SEC24D: variants seen among roughly 807,000 people sequenced by gnomAD.
SEC24D encodes the protein SEC24 homolog D, COPII component, also known as protein transport protein Sec24D.
In SEC24D, 69 loss-of-function variants were observed where a neutral mutation model predicts 116.9. The observed-to-expected ratio is 0.59, with a 90% CI of 0.49 to 0.72. The LOEUF (loss-of-function observed/expected upper bound fraction) is 0.72. Ranked by LOEUF, SEC24D falls within the 30% of genes least tolerant of loss-of-function variation. The pLI, the probability that SEC24D is intolerant of heterozygous loss-of-function variation, is 0.00. For synonymous variants in SEC24D, 405 were observed against 442.8 expected, an observed-to-expected ratio of 0.91 and a Z score of 1.07; for missense variants, 1,131 against 1,264.1, an observed-to-expected ratio of 0.89 and a Z score of 1.60.
At chr4:118,747,620 G>C (rs1330630581) in intron 13 of SEC24D, among the ~76,000 whole-genome samples, 2 of 151,588 alleles carry the variant, frequency 1.3e-5, no homozygotes, top group Non-Finnish European at 2.9e-5. Flanking sequence ...TATCAAAGAG[G>C]GTATAAAGCT....
chr4:118,834,582 T>C (rs1731011078), intron 1 of SEC24D, among the ~76,000 whole-genome samples: 3 of 150,442 alleles, frequency 2.0e-5, no homozygotes, highest in Middle Eastern at 3.4e-3. Flanking sequence ...ATAGGACTGA[T>C]GATTTAAAAA....
In SEC24D at chr4:118,764,815, A is replaced by G. The variant is rs925015657; in HGVS notation, c.1283T>C (p.Leu428Ser). 2.5e-6 allele frequency: 4 copies of G among 1,586,774 alleles called. No individual in the cohort carries two copies. In the Admixed American group the frequency reaches 5.0e-5, roughly 20 times the overall value. The change falls in exon 10 of 23, where the codon TTG becomes TCG. Residue 428 changes from leucine (L) to serine (S), a missense_variant. By Grantham distance (145) the Leu-to-Ser change is moderately radical (BLOSUM62 -2). Coordinates refer to ENST00000280551, the MANE Select transcript of SEC24D (RefSeq NM_014822.4). The stretch of plus-strand genomic sequence containing the variant: ...GGGAACACTTACTCTGCAATAATCC[A>G]AAGTGGCAACATATTCATAAGATCC... ...SLGSYEYVAT[L>S]DYCRKSKPPN...
intron 1 of SEC24D, among the ~76,000 whole-genome samples, chr4:118,834,130 C>T (rs891654013): frequency 3.3e-5 from 5 of 152,252 alleles, no homozygotes; most frequent in African/African-American, 1.2e-4. Flanking sequence ...ACCACCATAA[C>T]TGCCAGTAGC....
chr4:118,812,039 G>C (rs1224346536), intron 6 of SEC24D, among the ~76,000 whole-genome samples: 1 of 152,150 alleles, frequency 6.6e-6, no homozygotes, highest in African/African-American at 2.4e-5. Flanking sequence ...AAGTAGCGAT[G>C]TGCCAGTTCC....
chr4:118,747,452 G>C (rs1391558035), intron 13 of SEC24D, among the ~76,000 whole-genome samples: 1 of 151,900 alleles, frequency 6.6e-6, no homozygotes, highest in African/African-American at 2.4e-5. Context: ...TTTTAGTAGA[G>C]ATGGGGCTTC....
At chr4:118,757,505 A>G (rs1727158874) in intron 11 of SEC24D, among the ~76,000 whole-genome samples, 1 of 152,194 alleles carries the variant, frequency 6.6e-6, no homozygotes, top group South Asian at 2.1e-4. Context: ...TCTTTACCAT[A>G]GCATTTCTTT....
At chr4:118,797,602 AAT>A in intron 8 of SEC24D, 79 bp downstream of exon 8, 1 of 1,065,324 alleles carries the variant, frequency 9.4e-7, no homozygotes, top group Non-Finnish European at 1.3e-6. Context: ...TATATTATAG[AAT>A]AATGTATAAG....
intron 2 of SEC24D, among the ~76,000 whole-genome samples, chr4:118,828,115 T>A (rs1297069416): frequency 6.8e-6 from 1 of 146,550 alleles, no homozygotes; most frequent in African/African-American, 2.5e-5. Flanking sequence ...CATTAATACT[T>A]TTTTTTTTTT....
At chr4:118,787,678 G>A (rs535867271) in intron 8 of SEC24D, among the ~76,000 whole-genome samples, 9 of 152,208 alleles carry the variant, frequency 5.9e-5, no homozygotes, top group South Asian at 4.2e-4. Context: ...CAGGTGTGGT[G>A]CACGTGGCCG....
At chr4:118,819,024 A>G (rs1730275621) in intron 3 of SEC24D, among the ~76,000 whole-genome samples, 1 of 152,208 alleles carries the variant, frequency 6.6e-6, no homozygotes. Flanking sequence ...TTTTCACAGT[A>G]AAAGTTTTCT....
chr4:118,816,704 C>T lies in SEC24D; in HGVS notation c.397+560G>A, dbSNP rs893931504. Reference sequence around the variant, plus strand: ...AACATTCTTCATCTAGATAAATGGCCGACTGTGCTGTCATTACAGTGGAGC... The same window carrying T: ...AACATTCTTCATCTAGATAAATGGCTGACTGTGCTGTCATTACAGTGGAGC... On this transcript the variant is annotated intron_variant, in intron 4 of 22. Coordinates refer to ENST00000280551, the MANE Select transcript of SEC24D (RefSeq NM_014822.4). 7.8e-5 allele frequency: 28 copies of T among 361,076 alleles called. No individual in the cohort carries two copies. The Middle Eastern group carries it at 1.5e-3, about 19-fold the overall frequency. 22.4% of individuals were successfully genotyped at this position (361,076 alleles called of 1,614,324 possible).
chr4:118,823,942 A>T (rs1730497293), intron 3 of SEC24D, among the ~76,000 whole-genome samples: 1 of 152,196 alleles, frequency 6.6e-6, no homozygotes, highest in Non-Finnish European at 1.5e-5. Context: ...ATTGGCACTG[A>T]GCTCAGTTCT....
At chr4:118,792,130 C>A (rs1350110515) in intron 8 of SEC24D, among the ~76,000 whole-genome samples, 3 of 151,748 alleles carry the variant, frequency 2.0e-5, no homozygotes, top group Non-Finnish European at 2.9e-5. Flanking sequence ...CGCCTCTGCC[C>A]GGCCGCGACC....
At chr4:118,778,576 C>T (rs951984109) in intron 8 of SEC24D, among the ~76,000 whole-genome samples, 28 of 152,226 alleles carry the variant, frequency 1.8e-4, no homozygotes, top group African/African-American at 5.8e-4. Flanking sequence ...CTTAGGATTG[C>T]TTTGGCAATG....
intron 19 of SEC24D, among the ~76,000 whole-genome samples, chr4:118,734,174 C>G (rs927975317): frequency 6.7e-6 from 1 of 149,438 alleles, no homozygotes; most frequent in Non-Finnish European, 1.5e-5. Context: ...AATGAAATAT[C>G]TGATCTATAA....
intron 2 of SEC24D, among the ~76,000 whole-genome samples, chr4:118,826,022 T>A (rs1319428756): frequency 6.6e-6 from 1 of 151,886 alleles, no homozygotes; most frequent in Non-Finnish European, 1.5e-5. Context: ...ATGACAGGTA[T>A]CTAGTGAAGT....
At chr4:118,822,664 T>C (rs1024935647) in intron 3 of SEC24D, among the ~76,000 whole-genome samples, 1 of 152,116 alleles carries the variant, frequency 6.6e-6, no homozygotes, top group African/African-American at 2.4e-5. Context: ...CTTGACCTCC[T>C]GGGCTCAAGC....
chr4:118,805,987 T>A, intron 6 of SEC24D, 33 bp from the exon 7 acceptor site: 1 of 1,392,308 alleles, frequency 7.2e-7, no homozygotes, highest in Non-Finnish European at 1.0e-6. Flanking sequence ...CCCGTTAAAG[T>A]AGGTTCCAGT....
At chr4:118,803,047 CAT>C (rs1578453646) in intron 7 of SEC24D, among the ~76,000 whole-genome samples, 1 of 152,080 alleles carries the variant, frequency 6.6e-6, no homozygotes. Context: ...TAGGCAAACT[CAT>C]AGAGACAGAA....
Sources: gnomAD v4.1 joint callset for allele counts (sites outside exome capture counted in the v4.1 genomes callset) on GRCh38, gnomAD v4.1.1 for gene constraint, MANE v1.5 for transcripts, NCBI Gene and HGNC (gene_info 2026-07-23, HGNC 2026-07-21) for gene names.